Variants in ACOX3 observed in about 807,000 individuals in gnomAD.
ACOX3 encodes the protein acyl-CoA oxidase 3, pristanoyl.
A neutral mutation model predicts 81.5 loss-of-function variants in ACOX3; 73 were observed. The observed-to-expected ratio is 0.90, with a 90% CI of 0.74 to 1.09. ACOX3 has a LOEUF of 1.09. ACOX3 is among the 50% of genes least tolerant of loss of function. The pLI is 0.00. For missense variants in ACOX3, 947 were observed against 928.0 expected, an observed-to-expected ratio of 1.02 and a Z score of -0.27; for synonymous variants, 387 against 375.1, an observed-to-expected ratio of 1.03 and a Z score of -0.37.
chr4:8,377,742 C>T (rs1215221465), intron 14 of ACOX3, among the ~76,000 whole-genome samples: 1 of 152,216 alleles, frequency 6.6e-6, no homozygotes, highest in African/African-American at 2.4e-5. Flanking sequence ...CAGAGCTGAC[C>T]ACAGCATTAA....
chr4:8,397,872 G>A (rs6447869), intron 8 of ACOX3, among the ~76,000 whole-genome samples: 21,779 of 152,272 alleles, frequency 0.14, 2,521 homozygotes, highest in African/African-American at 0.32. Flanking sequence ...GTTTAAAAAT[G>A]TATTTAAGCC....
intron 14 of ACOX3, among the ~76,000 whole-genome samples, chr4:8,377,589 T>C (rs1717135153): frequency 6.6e-6 from 1 of 152,220 alleles, no homozygotes; most frequent in African/African-American, 2.4e-5. Flanking sequence ...TCTACTGTAC[T>C]CAACGGCATC....
the ACOX3 span, chr4:8,357,067 T>C: frequency 2.2e-6 from 1 of 454,528 alleles, no homozygotes; most frequent in South Asian, 1.6e-5. Context: ...TGGAGAACGG[T>C]GCACGCTTAC....
chr4:8,387,357 T>TG (rs1718438380), intron 13 of ACOX3, among the ~76,000 whole-genome samples: 1 of 152,064 alleles, frequency 6.6e-6, no homozygotes, highest in African/African-American at 2.4e-5. Context: ...CCCGGCAGCC[T>TG]GGCGGGAGCT....
rs905741422 is a variant in ACOX3 at position 8,432,535 on chromosome 4, AT to A, written c.-15+8112del. On this transcript the variant is annotated intron_variant, in intron 1 of 17. Transcript: ENST00000356406. The surrounding 1 kb of genome is among the most constrained non-coding windows in gnomAD (Gnocchi z 6.2). ...GGCGTGAGCCACCGCGCCCGGCCTG[AT>A]TTTTTTTTTTAATTATAAACCCAAC... is the stretch of plus-strand genomic sequence containing the variant. Among the ~76,000 whole-genome samples the A allele has an allele frequency of 2.6e-4, 39 of 148,392 alleles. No homozygotes were observed. Among genetic ancestry groups the A allele is most frequent in the African/African-American group, 2.7e-4 (11 of 40,668 alleles).
At chr4:8,401,128 G>T (rs1174634798) in intron 7 of ACOX3, among the ~76,000 whole-genome samples, 1 of 152,110 alleles carries the variant, frequency 6.6e-6, no homozygotes, top group African/African-American at 2.4e-5. Flanking sequence ...TGCCGCCACC[G>T]ATCTGACAGG....
intron 14 of ACOX3, among the ~76,000 whole-genome samples, chr4:8,380,525 C>T (rs899821812): frequency 2.0e-5 from 3 of 152,200 alleles, no homozygotes; most frequent in African/African-American, 7.2e-5. Flanking sequence ...GGAGCCCATC[C>T]TTCCTGCCTT....
chr4:8,367,118 A>T (rs752710177), intron 17 of ACOX3, 38 bp from the exon 18 acceptor site: 5 of 1,603,362 alleles, frequency 3.1e-6, no homozygotes, highest in Non-Finnish European at 4.3e-6. Flanking sequence ...AAGACAAAGA[A>T]ATAAGAAGGA....
In ACOX3 at chr4:8,399,800, T is replaced by C; in HGVS notation, c.777-148A>G. 1.5e-6 allele frequency: 1 copy of C among 684,676 alleles called. No homozygotes were observed. Among genetic ancestry groups the C allele is most frequent in the South Asian group, 1.9e-5 (1 of 52,852 alleles). The allele number at this position is 684,676 out of a possible 1,614,324, so 42.4% of individuals were successfully genotyped here. A position where few individuals can be genotyped will look rare whatever the true frequency, so the allele number is the denominator to read the frequency against. The stretch of plus-strand genomic sequence containing the variant: ...AGACAGGAACATTCAACCAACTTTC[T>C]ATTCAAAAAAGTAGTCTAGTCAGGA... On this transcript the variant is annotated intron_variant, in intron 7 of 17. Transcript: ENST00000356406. The surrounding 1 kb of genome is among the most constrained non-coding windows in gnomAD (Gnocchi z 4.9).
chr4:8,371,286 G>C (rs1461865933), intron 16 of ACOX3, among the ~76,000 whole-genome samples: 1 of 152,190 alleles, frequency 6.6e-6, no homozygotes, highest in Admixed American at 6.5e-5. Context: ...TCGTGAATTA[G>C]CAACTGCATT....
At chr4:8,395,665 C>CCTTGGTGGTAAGGCCAAG (rs1410513444) in intron 9 of ACOX3, among the ~76,000 whole-genome samples, 4 of 148,380 alleles carry the variant, frequency 2.7e-5, no homozygotes, top group African/African-American at 1.1e-4. Flanking sequence ...TGGGGGTGGA[C>CCTTGGTGGTAAGGCCAAG]CTTGGTGGTA....
intron 1 of ACOX3, among the ~76,000 whole-genome samples, chr4:8,417,314 G>A (rs921260764): frequency 7.9e-5 from 12 of 152,372 alleles, no homozygotes; most frequent in African/African-American, 2.6e-4. Context: ...CCTTTGAGCT[G>A]AAACAGCCTG....
Position 8,392,330 on chromosome 4 carries a change from T to A in ACOX3, c.1300+3A>T. 1 of 1,565,784 alleles carries A rather than the reference T, an allele frequency of 6.4e-7. No individual in the cohort carries two copies. The highest frequency in any genetic ancestry group is 8.6e-7 in the Non-Finnish European group (1 of 1,158,066). On this transcript the variant is annotated splice_donor_region_variant and intron_variant, in intron 11 of 17. Coordinates refer to ENST00000356406, the MANE Select transcript of ACOX3 (RefSeq NM_003501.3). ...AACCACCATGCGCTTCTCCAAAACC[T>A]ACTGGCCAGATAGCCGTGTCCTCCA... is the stretch of plus-strand genomic sequence containing the variant.
Position 8,382,533 on chromosome 4 carries a change from C to T in ACOX3, c.1538-926G>A, listed in dbSNP as rs1488963315. On this transcript the variant is annotated intron_variant, in intron 13 of 17. Transcript: ENST00000356406. The surrounding 1 kb of genome is among the most constrained non-coding windows in gnomAD (Gnocchi z 4.1). ...GCACAGAGGGCCTGGCGCCCAGACA[C>T]GAGGCACCTCCAGGCTGCAGGGGCC... Among the ~76,000 whole-genome samples, 2 of 152,238 alleles carry T rather than the reference C, an allele frequency of 1.3e-5. No homozygotes were observed. The highest frequency in any genetic ancestry group is 1.9e-4 in the East Asian group (1 of 5,190).
chr4:8,437,559 A>G lies in ACOX3; in HGVS notation c.-15+3089T>C, dbSNP rs1724331171. 6.6e-6 allele frequency among the ~76,000 whole-genome samples: 1 copy of G among 152,258 alleles called. No homozygotes were observed. Among genetic ancestry groups the G allele is most frequent in the Admixed American group, 6.5e-5 (1 of 15,290 alleles). ...GAAAAAGAAAAACAAAGACTTAAGG[A>G]AAAAGGCCAATCTGTTAGCAACAGC... is the stretch of plus-strand genomic sequence containing the variant. On this transcript the variant is annotated intron_variant, in intron 1 of 17. Transcript: ENST00000356406. The surrounding 1 kb of genome is among the most constrained non-coding windows in gnomAD (Gnocchi z 5.2).
At position 8,374,962 on chromosome 4, in the gene ACOX3, C is replaced by G. The variant is rs1228526780; in HGVS notation, c.1828+16G>C. 1 of 1,491,212 alleles carries G rather than the reference C, an allele frequency of 6.7e-7. No individual in the cohort carries two copies. Among genetic ancestry groups the G allele is most frequent in the African/African-American group, 1.4e-5 (1 of 71,440 alleles). 92.4% of individuals were successfully genotyped at this position (1,491,212 alleles called of 1,614,324 possible). ...GACTCTGGGGAGGACAGCAAGCCCG[C>G]AGTCAGAAGCCTCACCTCGGTAGAG... is the stretch of plus-strand genomic sequence containing the variant. On this transcript the variant is annotated intron_variant, in intron 15 of 17. Transcript: ENST00000356406.
At chr4:8,360,348 T>C in the ACOX3 span, among the ~76,000 whole-genome samples, 1 of 152,286 alleles carries the variant, frequency 6.6e-6, no homozygotes, top group East Asian at 1.9e-4. Flanking sequence ...CTTTGGGAAA[T>C]AAGGAGTTTT....
chr4:8,434,423 G>A (rs778066150), intron 1 of ACOX3, among the ~76,000 whole-genome samples: 2 of 152,228 alleles, frequency 1.3e-5, no homozygotes, highest in East Asian at 1.9e-4. Context: ...ATTAAGGGAC[G>A]TTCAAGCCAG....
intron 7 of ACOX3, among the ~76,000 whole-genome samples, chr4:8,401,792 G>T (rs182081074): frequency 6.6e-6 from 1 of 152,304 alleles, no homozygotes; most frequent in East Asian, 1.9e-4. Context: ...TGCCTGTGGT[G>T]CCCCGTCCAC....
Sources: allele counts gnomAD v4.1 joint callset (sites outside exome capture counted in the v4.1 genomes callset), GRCh38; gene constraint gnomAD v4.1.1; non-coding constraint Gnocchi (gnomAD v3.1); transcripts MANE v1.5; gene names NCBI Gene and HGNC (gene_info 2026-07-23, HGNC 2026-07-21).